Variants in ODR4 observed in about 807,000 individuals in gnomAD.
The protein encoded by ODR4 is protein odr-4 homolog.
Under a neutral mutation model 60.2 loss-of-function variants are expected in ODR4, and 47 were observed. The observed-to-expected ratio is 0.78, with a 90% CI of 0.62 to 1.00. The LOEUF is 1.00. Among genes scored for constraint, ODR4 ranks in the 50% least tolerant of loss-of-function variants. The pLI, the probability that ODR4 is intolerant of heterozygous loss-of-function variation, is 0.00. For missense variants in ODR4, 488 were observed against 530.8 expected (o/e 0.92, Z 0.79); for synonymous variants, 178 against 175.5 (o/e 1.01, Z -0.11).
the ODR4 span, among the ~76,000 whole-genome samples, chr1:186,434,049 T>C: frequency 6.6e-6 from 1 of 152,210 alleles, no homozygotes; most frequent in East Asian, 1.9e-4. Flanking sequence ...GTTTTTACTA[T>C]GTATATTCTG....
chr1:186,426,721 T>C, the ODR4 span, among the ~76,000 whole-genome samples: 1 of 152,140 alleles, frequency 6.6e-6, no homozygotes, highest in Non-Finnish European at 1.5e-5. Flanking sequence ...ATGGCAGTCA[T>C]TACTGGAGAT....
chr1:186,398,438 G>A lies in ODR4; in HGVS notation c.906G>A (p.Val302=), dbSNP rs781763599. ...GTAAACCCAAAGTTAAAGATGCTGT[G>A]CAGGTACAAAAAGGAATAACGAGCA... ...HSSKPKVKDA[V]QAVKRDILNT... is the part of the protein sequence containing the mutation. The change falls in exon 10 of 14, where the codon GTG becomes GTA. Residue 302 remains valine, a synonymous_variant. Transcript: ENST00000287859. 6.2e-7 allele frequency: 1 copy of A among 1,600,226 alleles called. No individual in the cohort carries two copies. Among genetic ancestry groups the A allele is most frequent in the Non-Finnish European group, 8.5e-7 (1 of 1,173,510 alleles).
intron 12 of ODR4, among the ~76,000 whole-genome samples, chr1:186,409,560 TTTTGAGACGGAGTCTC>T (rs993169013): frequency 3.0e-4 from 45 of 152,360 alleles, no homozygotes; most frequent in African/African-American, 1.1e-3. Flanking sequence ...TTTGTTTGTT[TTTTGAGACGGAGTCTC>T]GCTCTGTCTC....
intron 9 of ODR4, among the ~76,000 whole-genome samples, chr1:186,396,505 A>G (rs1376425908): frequency 6.6e-6 from 1 of 152,104 alleles, no homozygotes; most frequent in African/African-American, 2.4e-5. Flanking sequence ...GCTACTTGGG[A>G]GGCGAAGGTG....
chr1:186,429,803 A>G, the ODR4 span, among the ~76,000 whole-genome samples: 1 of 152,184 alleles, frequency 6.6e-6, no homozygotes, highest in African/African-American at 2.4e-5. Flanking sequence ...AATACCTGGT[A>G]AGTTGTTCTT....
Position 186,398,354 on chromosome 1 carries a change from A to G in ODR4, c.822A>G (p.Ile274Met). 1.2e-6 allele frequency: 2 copies of G among 1,610,960 alleles called. No homozygotes were observed. The highest frequency in any genetic ancestry group is 1.1e-5 in the South Asian group (1 of 90,726). Residue 274 changes from isoleucine (I) to methionine (M), a missense_variant, in exon 10 of 14, where the codon ATA (isoleucine) becomes ATG (methionine). Coordinates refer to ENST00000287859, the MANE Select transcript of ODR4 (RefSeq NM_017847.6). ...ACAGATCCACAGCCACAGTCCAGATATGTAGCGGTTCTGTAAACCTTAAGG... is the reference window on the plus strand; with the variant it reads ...ACAGATCCACAGCCACAGTCCAGATGTGTAGCGGTTCTGTAAACCTTAAGG... The part of the protein sequence containing the change: ...SDHRSTATVQ[I>M]CSGSVNLKGA...
intron 12 of ODR4, among the ~76,000 whole-genome samples, chr1:186,413,308 A>G (rs1164030469): frequency 6.6e-6 from 1 of 152,116 alleles, no homozygotes; most frequent in Non-Finnish European, 1.5e-5. Flanking sequence ...TTTCAGGTAA[A>G]GGATGCTCAA....
chr1:186,390,614 A>G (rs1571671433), intron 6 of ODR4, 97 bp from the exon 7 acceptor site: 1 of 1,233,358 alleles, frequency 8.1e-7, no homozygotes. Context: ...ATGAGTTTGT[A>G]TGCGTTATTT....
rs184461558 is a variant in ODR4 at position 186,395,425 on chromosome 1, A to G, written c.780+1410A>G. On this transcript the variant is annotated intron_variant, in intron 9 of 13. Transcript: ENST00000287859. ...GTAATAATATTATATAGTATAATAT[A>G]TTTTTGGTAGTCACTCCACCGATCA... 3.3e-5 allele frequency among the ~76,000 whole-genome samples: 5 copies of G among 152,198 alleles called. No individual in the cohort carries two copies. The East Asian group carries it at 9.7e-4, about 29-fold the overall frequency.
rs942695259 is a variant in ODR4, at chr1:186,420,642, A to C, written c.*1566A>C. The C allele has an allele frequency of 1.3e-5, 2 of 152,198 alleles. No homozygotes were observed. Among genetic ancestry groups the C allele is most frequent in the African/African-American group, 4.8e-5 (2 of 41,442 alleles). 9.4% of individuals were successfully genotyped at this position (152,198 alleles called of 1,614,324 possible). A position where few individuals can be genotyped will look rare whatever the true frequency, so the allele number is the denominator to read the frequency against. ...AGAAAAAAGCCCTCAGACATGTTGA[A>C]TATTTTATTAGACTCAGCTGAAGAG... On this transcript the variant is annotated 3_prime_UTR_variant, in exon 14 of 14. Coordinates refer to ENST00000287859, the MANE Select transcript of ODR4 (RefSeq NM_017847.6).
intron 3 of ODR4, 25 bp downstream of exon 3, chr1:186,383,181 GTTTAAGT>G (rs1660108017): frequency 2.0e-6 from 3 of 1,537,276 alleles, no homozygotes; most frequent in South Asian, 2.5e-5. Context: ...TTGTTTATAT[GTTTAAGT>G]TTTATTTCAA....
intron 5 of ODR4, among the ~76,000 whole-genome samples, chr1:186,388,897 T>C (rs533637701): frequency 6.6e-6 from 1 of 152,294 alleles, no homozygotes; most frequent in African/African-American, 2.4e-5. Context: ...GTTAAAGTTT[T>C]CACCTCCAGT....
the ODR4 span, among the ~76,000 whole-genome samples, chr1:186,430,236 G>A: frequency 2.6e-5 from 4 of 151,568 alleles, no homozygotes; most frequent in Non-Finnish European, 5.9e-5. Flanking sequence ...TTTCATCTTT[G>A]TAAAAATATA....
rs1558083090 is a variant in ODR4, at chr1:186,400,898, A to G, written c.1000+1854A>G. On this transcript the variant is annotated intron_variant, in intron 11 of 13. Coordinates refer to ENST00000287859, the MANE Select transcript of ODR4 (RefSeq NM_017847.6). ...TATGTGGGACCTGTTCACATAGTCC[A>G]TCAGTCTAGCAGCCCCATCTCAGTG... The G allele has an allele frequency of 1.2e-5, 8 of 668,810 alleles. No homozygotes were observed. The East Asian group carries it at 1.4e-4, about 12-fold the overall frequency. 41.4% of individuals were successfully genotyped at this position (668,810 alleles called of 1,614,324 possible). A position where few individuals can be genotyped will look rare whatever the true frequency, so the allele number is the denominator to read the frequency against.
intron 12 of ODR4, among the ~76,000 whole-genome samples, chr1:186,413,652 G>A (rs1301550401): frequency 6.6e-6 from 1 of 152,094 alleles, no homozygotes; most frequent in Non-Finnish European, 1.5e-5. Context: ...TCAGAGCTGA[G>A]ATTAATTTTT....
chr1:186,378,443 A>G (rs1424927455), intron 1 of ODR4, among the ~76,000 whole-genome samples: 3 of 152,206 alleles, frequency 2.0e-5, no homozygotes, highest in Non-Finnish European at 4.4e-5. Context: ...TTAATCATTC[A>G]TTATATTGCC....
At chr1:186,378,563 A>G (rs1020393481) in intron 1 of ODR4, among the ~76,000 whole-genome samples, 5 of 152,228 alleles carry the variant, frequency 3.3e-5, no homozygotes, top group African/African-American at 1.2e-4. Context: ...GACCAGAGGG[A>G]AAACAGAGTA....
At chr1:186,395,394 G>C (rs1660633989) in intron 9 of ODR4, among the ~76,000 whole-genome samples, 2 of 151,952 alleles carry the variant, frequency 1.3e-5, no homozygotes, top group South Asian at 4.2e-4. Context: ...CGCCTGGCCA[G>C]GTGTAGTAAT....
chr1:186,406,652 A>T (rs1448365170), intron 12 of ODR4, among the ~76,000 whole-genome samples: 1 of 152,056 alleles, frequency 6.6e-6, no homozygotes, highest in Non-Finnish European at 1.5e-5. Context: ...GTTTTAAAAC[A>T]CTAATTTATT....
Sources: allele counts gnomAD v4.1 joint callset (sites outside exome capture counted in the v4.1 genomes callset), GRCh38; gene constraint gnomAD v4.1.1; transcripts MANE v1.5; gene names NCBI Gene and HGNC (gene_info 2026-07-23, HGNC 2026-07-21).